CCDC15: variants seen among roughly 807,000 people sequenced by gnomAD.
The protein encoded by CCDC15 is coiled-coil domain containing 15, also known as coiled-coil domain-containing protein 15.
Under a neutral mutation model 114.5 loss-of-function variants are expected in CCDC15, and 105 were observed. The observed-to-expected ratio is 0.92, with a 90% CI of 0.78 to 1.08. The LOEUF (loss-of-function observed/expected upper bound fraction) is 1.08. Ranked by LOEUF, CCDC15 falls within the 50% of genes least tolerant of loss-of-function variation. The pLI is 0.00. For synonymous variants in CCDC15, 334 were observed against 377.8 expected, an observed-to-expected ratio of 0.88 and a Z score of 1.34; for missense variants, 1,105 against 1,093.6, an observed-to-expected ratio of 1.01 and a Z score of -0.15.
intron 14 of CCDC15, 110 bp from the exon 15 acceptor site, chr11:125,038,811 G>A: frequency 2.3e-6 from 3 of 1,326,714 alleles, no homozygotes; most frequent in South Asian, 1.4e-5. Context: ...AAATGTCAAG[G>A]CCCAGAGATA....
chr11:124,988,248 G>A, intron 8 of CCDC15, 114 bp downstream of exon 8: 1 of 1,117,906 alleles, frequency 8.9e-7, no homozygotes, highest in Non-Finnish European at 1.3e-6. Context: ...TCAGTTCCAG[G>A]CCATTGCAAT....
rs1183989382 is a variant in CCDC15 at position 125,038,450 on chromosome 11, C to G, written c.2431C>G (p.Gln811Glu). 4 of 1,518,846 alleles carry G rather than the reference C, an allele frequency of 2.6e-6. No individual in the cohort carries two copies. The South Asian group carries it at 5.4e-5, about 20-fold the overall frequency. The allele number at this position is 1,518,846 out of a possible 1,614,324, so 94.1% of individuals were successfully genotyped here. Residue 811 changes from glutamine to glutamate, a missense_variant, in exon 14 of 16, where the codon CAA becomes GAA. Gln to Glu is a conservative substitution (Grantham distance 29, BLOSUM62 2). Coordinates refer to ENST00000344762, the MANE Select transcript of CCDC15 (RefSeq NM_025004.3). ...KIEKIKKKREQECYAAEQRIL... is the reference protein window; with the variant it reads ...KIEKIKKKREEECYAAEQRIL... ...TTTCAGAATTAAGAAAAAGAGAGAGCAAGAATGTTATGCTGCAGAGCAGAG... is the reference window on the plus strand; with the variant it reads ...TTTCAGAATTAAGAAAAAGAGAGAGGAAGAATGTTATGCTGCAGAGCAGAG...
chr11:125,012,435 T>C (rs1186049092), intron 13 of CCDC15, among the ~76,000 whole-genome samples: 1 of 152,236 alleles, frequency 6.6e-6, no homozygotes, highest in Non-Finnish European at 1.5e-5. Context: ...TAAATAAAAT[T>C]CATTCCTTTT....
chr11:124,972,221 A>C (rs976154978), intron 4 of CCDC15, among the ~76,000 whole-genome samples: 3 of 152,210 alleles, frequency 2.0e-5, no homozygotes, highest in African/African-American at 7.2e-5. Context: ...GTAGTCTGTT[A>C]ATAACAGTTA....
chr11:124,992,720 C>A (rs1222563365), intron 10 of CCDC15, 33 bp downstream of exon 10: 1 of 1,181,242 alleles, frequency 8.5e-7, no homozygotes, highest in Non-Finnish European at 1.2e-6. Flanking sequence ...GACTGTATAC[C>A]TTCTAAAAGG....
At chr11:124,968,631 C>T (rs1455487455) in intron 4 of CCDC15, among the ~76,000 whole-genome samples, 2 of 152,152 alleles carry the variant, frequency 1.3e-5, no homozygotes, top group Non-Finnish European at 2.9e-5. Flanking sequence ...CGATGCCCCA[C>T]CCTGCTTCGG....
At chr11:125,038,892 C>T in intron 14 of CCDC15, 29 bp from the exon 15 acceptor site, 1 of 1,591,828 alleles carries the variant, frequency 6.3e-7, no homozygotes, top group South Asian at 1.1e-5. Context: ...TAATAGTTCA[C>T]TTTGCCTGAT....
At chr11:124,969,574 T>C (rs1460629932) in intron 4 of CCDC15, among the ~76,000 whole-genome samples, 3 of 152,210 alleles carry the variant, frequency 2.0e-5, no homozygotes, top group Admixed American at 1.3e-4. Context: ...CTTATTTCTA[T>C]TTTTATTCTC....
In CCDC15 at chr11:124,993,258, A is replaced by C; in HGVS notation, c.2214+15A>C. ...GAGTGCCCTTGGTATGTTTCACACA[A>C]TATTCAAGATCTAGTCTCTTCTAGA... On this transcript the variant is annotated intron_variant, in intron 11 of 15. Coordinates refer to ENST00000344762, the MANE Select transcript of CCDC15 (RefSeq NM_025004.3). 1 of 1,496,656 alleles carries C rather than the reference A, an allele frequency of 6.7e-7. No homozygotes were observed. The highest frequency in any genetic ancestry group is 2.3e-5 in the East Asian group (1 of 44,172). The allele number at this position is 1,496,656 out of a possible 1,614,324, so 92.7% of individuals were successfully genotyped here.
intron 13 of CCDC15, among the ~76,000 whole-genome samples, chr11:125,023,735 C>A (rs529488862): frequency 6.6e-6 from 1 of 152,010 alleles, no homozygotes; most frequent in African/African-American, 2.4e-5. Flanking sequence ...ACTCGCACCC[C>A]AAATGTCCAA....
intron 13 of CCDC15, among the ~76,000 whole-genome samples, chr11:125,011,239 A>ATTTTTTTTTTT (rs1398467750): frequency 1.5e-5 from 2 of 135,138 alleles, no homozygotes; most frequent in African/African-American, 5.8e-5. Context: ...TATTATTATT[A>ATTTTTTTTTTT]TTATTATTAT....
chr11:124,972,271 G>T (rs1947898282), intron 4 of CCDC15, among the ~76,000 whole-genome samples: 1 of 152,110 alleles, frequency 6.6e-6, no homozygotes, highest in Admixed American at 6.5e-5. Flanking sequence ...GTTCTAGATA[G>T]AAAAGACTTT....
intron 11 of CCDC15, among the ~76,000 whole-genome samples, chr11:125,001,940 G>A (rs1308117895): frequency 2.6e-5 from 4 of 152,098 alleles, no homozygotes; most frequent in South Asian, 2.1e-4. Flanking sequence ...TTGGTGGAAC[G>A]TATGATAACT....
Position 124,987,398 on chromosome 11 carries a change from T to C in CCDC15, c.1172T>C (p.Ile391Thr), listed in dbSNP as rs1166838123. The change falls in exon 8 of 16, where the codon ATT (isoleucine) becomes ACT (threonine). Residue 391 changes from isoleucine to threonine, a missense_variant. Ile to Thr is a moderately conservative substitution (Grantham distance 89, BLOSUM62 -1). Transcript: ENST00000344762. ...CCTATTAAGACAGAAACTCAGGGTATTATGCTGAAAGCCCAGAGTATTGAG... is the reference window on the plus strand; with the variant it reads ...CCTATTAAGACAGAAACTCAGGGTACTATGCTGAAAGCCCAGAGTATTGAG... ...GQPIKTETQG[I>T]MLKAQSIELE... 4 of 1,613,898 alleles carry C rather than the reference T, an allele frequency of 2.5e-6. No homozygotes were observed. Among genetic ancestry groups the C allele is most frequent in the African/African-American group, 2.7e-5 (2 of 74,936 alleles).
chr11:124,959,829 C>A lies in CCDC15; in HGVS notation c.342C>A (p.Gly114=). Residue 114 remains glycine (G), a synonymous_variant, in exon 4 of 16, where the codon GGC becomes GGA. Transcript: ENST00000344762. ...CTTTCGTGTAGGCACAAAAAGAAGG[C>A]TCCATAGCCATGCAGTCTTCAGCAA... The part of the protein sequence containing the change: ...QKSYERAQKE[G]SIAMQSSATH... 2 of 1,598,920 alleles carry A rather than the reference C, an allele frequency of 1.3e-6. No individual in the cohort carries two copies.
intron 2 of CCDC15, among the ~76,000 whole-genome samples, 186 bp from the exon 3 acceptor site, chr11:124,958,929 A>G (rs567198084): frequency 2.0e-5 from 3 of 152,352 alleles, no homozygotes; most frequent in African/African-American, 4.8e-5. Context: ...TTTAATGAAG[A>G]CATCGTTAGT....
intron 13 of CCDC15, among the ~76,000 whole-genome samples, chr11:125,028,530 GTTTT>G (rs973290204): frequency 1.3e-5 from 2 of 151,846 alleles, no homozygotes; most frequent in African/African-American, 4.8e-5. Context: ...GTTTTGTTTT[GTTTT>G]TTGTTTTTGC....
At chr11:125,033,495 C>A (rs1948755262) in intron 13 of CCDC15, among the ~76,000 whole-genome samples, 1 of 152,172 alleles carries the variant, frequency 6.6e-6, no homozygotes. Context: ...TCTTGAAGAG[C>A]AATCCTTACA....
intron 13 of CCDC15, among the ~76,000 whole-genome samples, chr11:125,009,369 G>A (rs1948574346): frequency 2.0e-5 from 3 of 151,960 alleles, no homozygotes; most frequent in African/African-American, 2.4e-5. Flanking sequence ...AAAATATAAA[G>A]CAATAACACT....
Sources: gnomAD v4.1 joint callset for allele counts (sites outside exome capture counted in the v4.1 genomes callset) on GRCh38, gnomAD v4.1.1 for gene constraint, MANE v1.5 for transcripts, NCBI Gene and HGNC (gene_info 2026-07-23, HGNC 2026-07-21) for gene names.